ASTN1: variants seen among roughly 807,000 people sequenced by gnomAD.
ASTN1 encodes astrotactin 1, also known as astrotactin-1.
A neutral mutation model predicts 140.7 loss-of-function variants in ASTN1; 41 were observed. The observed-to-expected ratio is 0.29, with a 90% CI of 0.23 to 0.38. The LOEUF (loss-of-function observed/expected upper bound fraction) is 0.38, where lower values mean the gene tolerates loss of function less well. ASTN1 is among the 10% of genes least tolerant of loss of function. The probability of loss-of-function intolerance (pLI) is 1.00; values close to 1 mark genes in which losing one functional copy is unlikely to be tolerated. For missense variants in ASTN1, 1,479 were observed against 1,678.8 expected (o/e 0.88, Z 2.08); for synonymous variants, 640 against 652.2 (o/e 0.98, Z 0.29).
rs927849945 is a variant in ASTN1 at position 177,090,938 on chromosome 1, G to C, written c.284-29673C>G. Among the ~76,000 whole-genome samples the C allele has an allele frequency of 2.8e-4, 42 of 151,870 alleles. No individual in the cohort carries two copies. In the South Asian group the frequency reaches 3.8e-3, roughly 14 times the overall value. ...ACATGACCTTGTTTTCTAGATGGGTGGGGGGCTGGGGGGCTAAACACAAAT... is the reference window on the plus strand; with the variant it reads ...ACATGACCTTGTTTTCTAGATGGGTCGGGGGCTGGGGGGCTAAACACAAAT... On this transcript the variant is annotated intron_variant, in intron 1 of 22. Transcript: ENST00000361833.
intron 22 of ASTN1, 144 bp from the exon 23 acceptor site, chr1:176,864,665 C>A (rs778850800): frequency 1.0e-5 from 12 of 1,154,382 alleles, no homozygotes; most frequent in Non-Finnish European, 1.4e-5. Context: ...GCACTTGGAA[C>A]AGTGAGTCCT....
At chr1:176,895,218 G>A (rs900197060) in intron 16 of ASTN1, among the ~76,000 whole-genome samples, 2 of 152,214 alleles carry the variant, frequency 1.3e-5, no homozygotes, top group African/African-American at 4.8e-5. Context: ...GGTAATGAAT[G>A]AATGGCAATT....
intron 9 of ASTN1, among the ~76,000 whole-genome samples, chr1:176,959,278 G>A (rs73047993): frequency 0.041 from 6,170 of 152,264 alleles, 411 homozygotes; most frequent in African/African-American, 0.14. Context: ...ATGAAAGCCA[G>A]TGTGGATGGG....
In ASTN1 at chr1:176,868,666, T is replaced by C. The variant is rs1571431995; in HGVS notation, c.3647+178A>G. ...AGCATTCATGGCTGGACTGCTTAAA[T>C]AGAGCTTATCCAAAACTAATCTGCA... On this transcript the variant is annotated intron_variant, in intron 22 of 22. Transcript: ENST00000361833. The C allele has an allele frequency of 1.3e-5, 8 of 599,288 alleles. No individual in the cohort carries two copies. The East Asian group carries it at 2.7e-4, about 21-fold the overall frequency. 37.1% of individuals were successfully genotyped at this position (599,288 alleles called of 1,614,324 possible).
intron 8 of ASTN1, among the ~76,000 whole-genome samples, chr1:177,002,991 C>T (rs963512306): frequency 4.0e-5 from 6 of 151,122 alleles, no homozygotes; most frequent in African/African-American, 7.3e-5. Flanking sequence ...AAGGCCAAAA[C>T]GAACAAACAA....
At position 176,862,326 on chromosome 1, in the gene ASTN1, C is replaced by T. The variant is rs1421962192; in HGVS notation, c.*1958G>A. On this transcript the variant is annotated 3_prime_UTR_variant, in exon 23 of 23. Transcript: ENST00000361833. ...ACCACCCTGTGCTTTATCTCAGCCTCATCACAGGCTTCCTTCCCAGTCATG... is the reference window on the plus strand; with the variant it reads ...ACCACCCTGTGCTTTATCTCAGCCTTATCACAGGCTTCCTTCCCAGTCATG... The T allele has an allele frequency of 7.1e-6, 7 of 985,382 alleles. No individual in the cohort carries two copies. The highest frequency in any genetic ancestry group is 8.4e-6 in the Non-Finnish European group (7 of 829,998). 61.0% of individuals were successfully genotyped at this position (985,382 alleles called of 1,614,324 possible). A position where few individuals can be genotyped will look rare whatever the true frequency, so the allele number is the denominator to read the frequency against.
At position 177,164,611 on chromosome 1, in the gene ASTN1, C is replaced by T. The variant is rs755134545; in HGVS notation, c.66G>A (p.Thr22=). The T allele has an allele frequency of 1.2e-5, 19 of 1,610,910 alleles. No homozygotes were observed. The change falls in exon 1 of 23, where the codon ACG becomes ACA. Residue 22 remains threonine (T), a synonymous_variant. Coordinates refer to ENST00000361833, the MANE Select transcript of ASTN1 (RefSeq NM_004319.3). ...CCWGPAAVLA[T]AAGDVDPSKE... is the part of the protein sequence containing the mutation. Reference sequence around the variant, plus strand: ...TGGATGGATCCACGTCGCCGGCGGCCGTGGCCAGCACCGCCGCCGGCCCCC... The same window carrying T: ...TGGATGGATCCACGTCGCCGGCGGCTGTGGCCAGCACCGCCGCCGGCCCCC...
chr1:177,113,685 T>A (rs1268577407), intron 1 of ASTN1, among the ~76,000 whole-genome samples: 1 of 152,200 alleles, frequency 6.6e-6, no homozygotes, highest in Non-Finnish European at 1.5e-5. Flanking sequence ...TGTGCCCAGA[T>A]TGCCAGTTTT....
chr1:177,015,273 A>T (rs1296680039), intron 7 of ASTN1, among the ~76,000 whole-genome samples: 1 of 152,228 alleles, frequency 6.6e-6, no homozygotes, highest in Non-Finnish European at 1.5e-5. Context: ...GAATTATTTC[A>T]CCAAATATTT....
intron 1 of ASTN1, among the ~76,000 whole-genome samples, chr1:177,097,992 T>A (rs1680111331): frequency 6.6e-6 from 1 of 152,186 alleles, no homozygotes; most frequent in Non-Finnish European, 1.5e-5. Context: ...ATCTCTTGAC[T>A]ATTTCTGAGT....
intron 1 of ASTN1, among the ~76,000 whole-genome samples, chr1:177,119,052 G>C (rs576840023): frequency 2.0e-5 from 3 of 152,054 alleles, no homozygotes; most frequent in Non-Finnish European, 4.4e-5. Context: ...ATCTTCACTG[G>C]GAAGCCTTCC....
intron 16 of ASTN1, among the ~76,000 whole-genome samples, chr1:176,923,905 A>T (rs762336580): frequency 6.6e-6 from 1 of 152,162 alleles, no homozygotes; most frequent in Non-Finnish European, 1.5e-5. Flanking sequence ...CTTATCCTTT[A>T]TCTTGTGATT....
intron 1 of ASTN1, among the ~76,000 whole-genome samples, chr1:177,151,439 AG>A (rs1683030770): frequency 6.8e-6 from 1 of 147,636 alleles, no homozygotes. Flanking sequence ...AAAAAAAAAA[AG>A]AGAGAGAGAA....
At chr1:176,884,187 GAGA>G (rs1415452993) in intron 19 of ASTN1, 149 bp downstream of exon 19, 25 of 877,916 alleles carry the variant, frequency 2.8e-5, no homozygotes, top group Admixed American at 5.7e-5. Context: ...CTGCTTCCTG[GAGA>G]AGAAGAACAG....
rs568961494 is a variant in ASTN1 at position 176,957,889 on chromosome 1, G to C, written c.1737-61C>G. ...AAGGAGATTCCAGATGCAACAAGTG[G>C]CATTACATTCCATGCTCCTATCTAG... On this transcript the variant is annotated intron_variant, in intron 10 of 22. Transcript: ENST00000361833. 8.4e-6 allele frequency: 13 copies of C among 1,554,916 alleles called. No homozygotes were observed. In the South Asian group the frequency reaches 1.5e-4, roughly 18 times the overall value.
chr1:177,000,126 T>C (rs1324972462), intron 8 of ASTN1, among the ~76,000 whole-genome samples: 1 of 152,210 alleles, frequency 6.6e-6, no homozygotes, highest in Non-Finnish European at 1.5e-5. Flanking sequence ...ATATAAGACC[T>C]ATACCTAGGT....
intron 1 of ASTN1, among the ~76,000 whole-genome samples, chr1:177,069,713 C>T (rs1010607849): frequency 3.3e-5 from 5 of 152,102 alleles, no homozygotes; most frequent in African/African-American, 1.2e-4. Context: ...TCTGACACAA[C>T]CAGACAGATG....
intron 8 of ASTN1, among the ~76,000 whole-genome samples, chr1:177,007,304 A>T (rs1675047708): frequency 6.6e-6 from 1 of 152,136 alleles, no homozygotes; most frequent in African/African-American, 2.4e-5. Flanking sequence ...AGGCAGGAGA[A>T]TCCCTTGAAC....
chr1:176,879,763 T>C (rs543127277), intron 20 of ASTN1, among the ~76,000 whole-genome samples: 2 of 152,366 alleles, frequency 1.3e-5, no homozygotes, highest in Non-Finnish European at 1.5e-5. Context: ...ATTTTATTTT[T>C]AACATGAAGC....
Sources: allele counts gnomAD v4.1 joint callset (sites outside exome capture counted in the v4.1 genomes callset), GRCh38; gene constraint gnomAD v4.1.1; transcripts MANE v1.5; gene names NCBI Gene and HGNC (gene_info 2026-07-23, HGNC 2026-07-21).